MICALL1: variants seen among roughly 807,000 people sequenced by gnomAD.
MICALL1 encodes MICAL like 1, also known as MICAL-like protein 1.
A neutral mutation model predicts 83.7 loss-of-function variants in MICALL1; 61 were observed. The observed-to-expected ratio is 0.73, with a 90% confidence interval of 0.59 to 0.90. The LOEUF (loss-of-function observed/expected upper bound fraction) is 0.90. MICALL1 is among the 40% of genes least tolerant of loss of function. The pLI is 0.00. For synonymous variants in MICALL1, 481 were observed against 473.6 expected, an observed-to-expected ratio of 1.02 and a Z score of -0.20; for missense variants, 1,066 against 1,152.0, an observed-to-expected ratio of 0.93 and a Z score of 1.08.
chr22:37,932,578 A>C lies in MICALL1; in HGVS notation c.2042A>C (p.Glu681Ala). ...RKVQADQYIP[E>A]EDIHGEMDTI... ...GTCCAGGCTGACCAGTACATCCCTGAGGAGGACATCCATGGAGAGATGGAT... is the reference window on the plus strand; with the variant it reads ...GTCCAGGCTGACCAGTACATCCCTGCGGAGGACATCCATGGAGAGATGGAT... Residue 681 changes from glutamate (E) to alanine (A), a missense_variant, in exon 11 of 16, where the codon GAG becomes GCG. Glu to Ala is a moderately radical substitution (Grantham distance 107). Coordinates refer to ENST00000215957, the MANE Select transcript of MICALL1 (RefSeq NM_033386.4). This position sits in a 1 kb window ranked among gnomAD's most constrained non-coding sequence, Gnocchi z 4.4. The C allele has an allele frequency of 6.2e-7, 1 of 1,614,184 alleles. No homozygotes were observed. Among genetic ancestry groups the C allele is most frequent in the Non-Finnish European group, 8.5e-7 (1 of 1,180,022 alleles).
chr22:37,933,664 C>T (rs139184946), intron 13 of MICALL1, among the ~76,000 whole-genome samples: 4 of 152,284 alleles, frequency 2.6e-5, no homozygotes, highest in East Asian at 3.9e-4. Flanking sequence ...GCTCCTCACA[C>T]GCCCTGTGAC....
chr22:37,927,384 G>T, intron 8 of MICALL1, 27 bp from the exon 9 acceptor site: 1 of 1,538,258 alleles, frequency 6.5e-7, no homozygotes, highest in Non-Finnish European at 8.7e-7. Context: ...CTCCCCTTGT[G>T]AGGTGTCCTG....
In MICALL1 at chr22:37,921,498, G is replaced by A. The variant is rs533625670; in HGVS notation, c.570-474G>A. Among the ~76,000 whole-genome samples the A allele has an allele frequency of 2.0e-5, 3 of 152,248 alleles. No homozygotes were observed. The East Asian group carries it at 5.8e-4, about 29-fold the overall frequency. ...TGAGGCAGGAGAATCTCTTGAACCC[G>A]AGAGGCGGAGGTTGCAGTGAGCCAA... On this transcript the variant is annotated intron_variant, in intron 5 of 15. Transcript: ENST00000215957.
intron 1 of MICALL1, among the ~76,000 whole-genome samples, chr22:37,909,721 C>T (rs1044046333): frequency 3.9e-5 from 6 of 152,230 alleles, no homozygotes; most frequent in Admixed American, 3.3e-4. Flanking sequence ...GAGGGTGGCT[C>T]CGCTTCTGAG....
rs553243822 is a variant in MICALL1 at position 37,936,237 on chromosome 22, G to A, written c.2309-843G>A. ...GCAGCAGGTGTGCCCAGCTTCAGGG[G>A]AGCCTCCTGCTGGGCTCCCTGCCCC... On this transcript the variant is annotated intron_variant, in intron 13 of 15. Transcript: ENST00000215957. Among the ~76,000 whole-genome samples, 8 of 152,284 alleles carry A rather than the reference G, an allele frequency of 5.3e-5. No individual in the cohort carries two copies. In the East Asian group the frequency reaches 1.5e-3, roughly 29 times the overall value.
chr22:37,939,773 CAAAAAAAA>C lies in MICALL1; in HGVS notation c.2471-919_2471-912del, dbSNP rs147934175. 1.1e-4 allele frequency among the ~76,000 whole-genome samples: 5 copies of C among 44,466 alleles called. No individual in the cohort carries two copies. The Admixed American group carries it at 1.5e-3, about 13-fold the overall frequency. 29.2% of individuals were successfully genotyped at this position (44,466 alleles called of 152,430 possible). On this transcript the variant is annotated intron_variant, in intron 15 of 15. Coordinates refer to ENST00000215957, the MANE Select transcript of MICALL1 (RefSeq NM_033386.4). ...TGGGCGACAGCACAAGTCTCCGTCT[CAAAAAAAA>C]AAAAAAAAAAAAAAAAGATAAGTGG... is the stretch of plus-strand genomic sequence containing the variant.
chr22:37,939,097 T>G lies in MICALL1; in HGVS notation c.2470+1305T>G, dbSNP rs1022051292. ...TCTTGGTTTTACCAGTACCTCACTT[T>G]GTGGCCTTGTGGTTAGGTCTTGACT... On this transcript the variant is annotated intron_variant, in intron 15 of 15. Transcript: ENST00000215957. Among the ~76,000 whole-genome samples, 64 of 152,312 alleles carry G rather than the reference T, an allele frequency of 4.2e-4. 1 individual carries two copies. The highest frequency in any genetic ancestry group is 3.7e-3 in the Admixed American group (57 of 15,294).
At chr22:37,919,697 T>A (rs116707028) in intron 5 of MICALL1, among the ~76,000 whole-genome samples, 150 of 145,210 alleles carry the variant, frequency 1.0e-3, no homozygotes, top group South Asian at 2.8e-3. Context: ...GCTTAAAAAA[T>A]TTTTTTTTGG....
rs1227938204 is a variant in MICALL1 at position 37,930,595 on chromosome 22, A to G, written c.1882-1204A>G. ...GGGCTCGCAGTGACGTCTGTTTCCA[A>G]TGAGCTGGGAAGAGTGGTTGGGAAA... On this transcript the variant is annotated intron_variant, in intron 9 of 15. Coordinates refer to ENST00000215957, the MANE Select transcript of MICALL1 (RefSeq NM_033386.4). The surrounding 1 kb of genome is among the most constrained non-coding windows in gnomAD (Gnocchi z 4.8). 1.3e-5 allele frequency among the ~76,000 whole-genome samples: 2 copies of G among 152,194 alleles called. No individual in the cohort carries two copies. Among genetic ancestry groups the G allele is most frequent in the Non-Finnish European group, 2.9e-5 (2 of 68,016 alleles).
Position 37,922,488 on chromosome 22 carries a change from CTG to C in MICALL1, c.1024+68_1024+69del, listed in dbSNP as rs1929114824. ...GGCAGTGCACTGTCTATTGAAAAGT[CTG>C]TGTGTCTGGGAGTGTTGGTGGGCCC... On this transcript the variant is annotated intron_variant, in intron 6 of 15. Coordinates refer to ENST00000215957, the MANE Select transcript of MICALL1 (RefSeq NM_033386.4). 2.3e-6 allele frequency: 3 copies of C among 1,311,348 alleles called. 1 individual carries two copies. The highest frequency in any genetic ancestry group is 2.6e-5 in the Admixed American group (1 of 37,926). 81.2% of individuals were successfully genotyped at this position (1,311,348 alleles called of 1,614,324 possible). A position where few individuals can be genotyped will look rare whatever the true frequency, so the allele number is the denominator to read the frequency against.
At chr22:37,929,971 A>G (rs982106461) in intron 9 of MICALL1, among the ~76,000 whole-genome samples, 1 of 152,192 alleles carries the variant, frequency 6.6e-6, no homozygotes, top group African/African-American at 2.4e-5. Flanking sequence ...GTCCTTGAGC[A>G]GGCCCCATCC....
chr22:37,926,104 G>A, intron 8 of MICALL1, 61 bp downstream of exon 8: 1 of 1,505,946 alleles, frequency 6.6e-7, no homozygotes, highest in Non-Finnish European at 8.9e-7. Flanking sequence ...CCCGGGCCTG[G>A]GGAGGGGGTG....
chr22:37,928,454 C>A (rs1356780817), intron 9 of MICALL1, among the ~76,000 whole-genome samples: 1 of 152,254 alleles, frequency 6.6e-6, no homozygotes, highest in Non-Finnish European at 1.5e-5. Flanking sequence ...GATCCACCCG[C>A]CTTGGCCTCC....
rs139814775 is a variant in MICALL1, at chr22:37,940,377, C to G, written c.2471-332C>G. Among the ~76,000 whole-genome samples the G allele has an allele frequency of 8.1e-4, 123 of 151,950 alleles. 1 individual carries two copies. In the East Asian group the frequency reaches 0.023, roughly 28 times the overall value. On this transcript the variant is annotated intron_variant, in intron 15 of 15. Transcript: ENST00000215957. The stretch of plus-strand genomic sequence containing the variant: ...GGCGGAGGTTGCAGTGGGCCAAGAT[C>G]GCGTCATTGCACTCCAGCCTGGGCG...
At chr22:37,912,280 G>T in intron 2 of MICALL1, 71 bp from the exon 3 acceptor site, 5 of 1,540,266 alleles carry the variant, frequency 3.2e-6, no homozygotes, top group East Asian at 2.3e-5. Context: ...CTAGGCTGAG[G>T]GGTCGCCCCC....
Position 37,927,692 on chromosome 22 carries a change from C to G in MICALL1, c.1747C>G (p.Pro583Ala), listed in dbSNP as rs1388967282. ...QMPQASPGLAPRTRGSSGPQP... is the reference protein window; with the variant it reads ...QMPQASPGLAARTRGSSGPQP... ...GCCTCAAGCCAGCCCTGGCCTTGCC[C>G]CCAGGACCAGGGGCAGCTCAGGTCC... The change falls in exon 9 of 16, where the codon CCC becomes GCC. Residue 583 changes from proline (P) to alanine (A), a missense_variant. Physicochemically the swap from Pro to Ala is conservative, Grantham distance 27. Coordinates refer to ENST00000215957, the MANE Select transcript of MICALL1 (RefSeq NM_033386.4). 5.0e-6 allele frequency: 8 copies of G among 1,614,044 alleles called. No homozygotes were observed. Among genetic ancestry groups the G allele is most frequent in the Non-Finnish European group, 6.8e-6 (8 of 1,180,042 alleles).
At chr22:37,921,103 T>G (rs1274324598) in intron 5 of MICALL1, among the ~76,000 whole-genome samples, 1 of 152,010 alleles carries the variant, frequency 6.6e-6, no homozygotes, top group South Asian at 2.1e-4. Context: ...AAAAGAAACT[T>G]TTTATAGCAA....
intron 15 of MICALL1, among the ~76,000 whole-genome samples, chr22:37,940,053 C>T (rs928631323): frequency 1.3e-4 from 20 of 152,034 alleles, no homozygotes; most frequent in African/African-American, 4.8e-4. Flanking sequence ...CGCACCATTG[C>T]ACTCCAGCCT....
chr22:37,908,897 A>G (rs1202411016), intron 1 of MICALL1, among the ~76,000 whole-genome samples: 1 of 152,182 alleles, frequency 6.6e-6, no homozygotes, highest in African/African-American at 2.4e-5. Context: ...GAGCAAAGGC[A>G]AGGGGCGGGA....
Sources: gnomAD v4.1 joint callset for allele counts (sites outside exome capture counted in the v4.1 genomes callset) on GRCh38, gnomAD v4.1.1 for gene constraint, Gnocchi (gnomAD v3.1) non-coding constraint, MANE v1.5 for transcripts, NCBI Gene and HGNC (gene_info 2026-07-23, HGNC 2026-07-21) for gene names.